ACTR3C: variants seen among roughly 807,000 people sequenced by gnomAD.
ACTR3C encodes actin related protein 3C.
A neutral mutation model predicts 26.3 loss-of-function variants in ACTR3C; 18 were observed. That is an observed-to-expected ratio of 0.68 (90% CI 0.47 to 1.01). The LOEUF (loss-of-function observed/expected upper bound fraction) is 1.01. Ranked by LOEUF, ACTR3C falls within the 50% of genes least tolerant of loss-of-function variation. ACTR3C has a pLI of 0.00. For synonymous variants in ACTR3C, 55 were observed against 94.5 expected (o/e 0.58, Z 2.42); for missense variants, 184 against 250.7 (o/e 0.73, Z 1.80).
the ACTR3C span, among the ~76,000 whole-genome samples, chr7:150,228,251 T>C: frequency 2.6e-5 from 4 of 152,232 alleles, no homozygotes; most frequent in African/African-American, 9.6e-5. Context: ...AGTTATTTTA[T>C]TTTTGGTGAT....
chr7:150,107,851 T>C, the ACTR3C span, among the ~76,000 whole-genome samples: 3 of 151,976 alleles, frequency 2.0e-5, no homozygotes, highest in East Asian at 3.9e-4. Context: ...GGGCCCCTTA[T>C]AGGGTGAGGA....
At chr7:150,035,235 T>C in the ACTR3C span, among the ~76,000 whole-genome samples, 3 of 97,706 alleles carry the variant, frequency 3.1e-5, 1 homozygote, top group African/African-American at 1.3e-4. Context: ...ATGGGGGTCC[T>C]AAGAGCCAGT....
the ACTR3C span, among the ~76,000 whole-genome samples, chr7:150,225,892 T>A: frequency 6.6e-6 from 1 of 152,218 alleles, no homozygotes. Flanking sequence ...AAATGGTGAT[T>A]TTTATGATCA....
chr7:149,981,985 T>G, the ACTR3C span, among the ~76,000 whole-genome samples: 1 of 152,190 alleles, frequency 6.6e-6, no homozygotes, highest in Admixed American at 6.5e-5. Context: ...ATGAGACCCA[T>G]GGCTACAGCC....
chr7:150,109,736 A>G, the ACTR3C span, among the ~76,000 whole-genome samples: 1 of 150,436 alleles, frequency 6.6e-6, no homozygotes, highest in Non-Finnish European at 1.5e-5. Context: ...GTGGGGATCC[A>G]GAAACAACCT....
At chr7:150,118,609 T>C in the ACTR3C span, among the ~76,000 whole-genome samples, 1 of 144,994 alleles carries the variant, frequency 6.9e-6, no homozygotes, top group Non-Finnish European at 1.5e-5. Context: ...ATACGTTTGA[T>C]TGGTGTACCT....
chr7:150,032,212 C>T, the ACTR3C span, among the ~76,000 whole-genome samples: 2 of 152,136 alleles, frequency 1.3e-5, no homozygotes, highest in African/African-American at 4.8e-5. Flanking sequence ...GGAACAGTCA[C>T]CCATTTAGGG....
chr7:149,907,478 T>TCTCTCTCTCTCTCTCTC, the ACTR3C span, among the ~76,000 whole-genome samples: 144 of 97,664 alleles, frequency 1.5e-3, 1 homozygote, highest in Middle Eastern at 6.3e-3. Context: ...CTCTCTTCTC[T>TCTCTCTCTCTCTCTCTC]TCTCTCTCTC....
chr7:150,050,192 T>C, the ACTR3C span, among the ~76,000 whole-genome samples: 1 of 152,330 alleles, frequency 6.6e-6, no homozygotes, highest in African/African-American at 2.4e-5. Flanking sequence ...TAAATATAGA[T>C]GCAGTTAGGG....
the ACTR3C span, among the ~76,000 whole-genome samples, chr7:149,937,680 C>A: frequency 2.0e-5 from 3 of 152,042 alleles, no homozygotes; most frequent in Admixed American, 6.6e-5. Flanking sequence ...CGAGGATGAA[C>A]GCCAAGGAGA....
chr7:150,069,479 C>T, the ACTR3C span, among the ~76,000 whole-genome samples: 1 of 152,136 alleles, frequency 6.6e-6, no homozygotes, highest in Non-Finnish European at 1.5e-5. Context: ...GCGGGTGAAA[C>T]TCATTAAACA....
chr7:150,005,420 G>A, the ACTR3C span, among the ~76,000 whole-genome samples: 1 of 152,190 alleles, frequency 6.6e-6, no homozygotes, highest in East Asian at 1.9e-4. Flanking sequence ...ACTGATGTGA[G>A]ATTTTTGCAA....
the ACTR3C span, among the ~76,000 whole-genome samples, chr7:149,951,517 G>C: frequency 3.3e-5 from 5 of 149,970 alleles, no homozygotes; most frequent in African/African-American, 5.1e-5. Context: ...GGTAGGACTC[G>C]GGTCTTTCTT....
chr7:149,992,905 G>T, the ACTR3C span, among the ~76,000 whole-genome samples: 1 of 152,174 alleles, frequency 6.6e-6, no homozygotes, highest in Non-Finnish European at 1.5e-5. Flanking sequence ...TGACAATGCA[G>T]CCTTCAGACT....
At chr7:149,970,559 ACTCTT>A in the ACTR3C span, among the ~76,000 whole-genome samples, 1 of 151,884 alleles carries the variant, frequency 6.6e-6, no homozygotes, top group African/African-American at 2.4e-5. Context: ...TAATAGCACC[ACTCTT>A]CTCTCTCTAA....
chr7:150,087,469 C>T, the ACTR3C span, among the ~76,000 whole-genome samples: 3 of 152,198 alleles, frequency 2.0e-5, no homozygotes, highest in South Asian at 6.2e-4. Flanking sequence ...AAGGGGATTA[C>T]ATACGCTACA....
the ACTR3C span, among the ~76,000 whole-genome samples, chr7:150,180,072 G>A: frequency 3.3e-5 from 5 of 151,024 alleles, no homozygotes; most frequent in Non-Finnish European, 7.3e-5. Context: ...TTGGGAGGCC[G>A]AGGGGGGTGG....
the ACTR3C span, among the ~76,000 whole-genome samples, chr7:149,929,611 A>C: frequency 2.1e-5 from 3 of 143,650 alleles, no homozygotes; most frequent in African/African-American, 7.8e-5. Flanking sequence ...GGCTCACTGC[A>C]ACCTCCGCCT....
At chr7:149,937,537 C>T in the ACTR3C span, among the ~76,000 whole-genome samples, 1 of 152,100 alleles carries the variant, frequency 6.6e-6, no homozygotes, top group East Asian at 1.9e-4. Context: ...TAAAAATCCA[C>T]AGGAAGAGGA....
Sources: gnomAD v4.1 joint callset for allele counts (sites outside exome capture counted in the v4.1 genomes callset) on GRCh38, gnomAD v4.1.1 for gene constraint, MANE v1.5 for transcripts, NCBI Gene and HGNC (gene_info 2026-07-23, HGNC 2026-07-21) for gene names.